The following CYP2U1 variants were observed in gnomAD, a reference collection of about 807,000 sequenced individuals.
CYP2U1 encodes the protein cytochrome P450 2U1.
Under a neutral mutation model 42.8 loss-of-function variants are expected in CYP2U1, and 28 were observed. The observed-to-expected ratio is 0.65, with a 90% CI of 0.48 to 0.90. The LOEUF (loss-of-function observed/expected upper bound fraction) is 0.90. CYP2U1 is among the 40% of genes least tolerant of loss of function. The pLI is 0.00. For missense variants in CYP2U1, 642 were observed against 693.8 expected (o/e 0.93, Z 0.84); for synonymous variants, 296 against 278.9 (o/e 1.06, Z -0.61).
chr4:107,946,598 T>C lies in CYP2U1; in HGVS notation c.1127-778T>C, dbSNP rs549889717. On this transcript the variant is annotated intron_variant, in intron 2 of 4. Transcript: ENST00000332884. ...CCTGTATTAGTTAATTATTGCTGGGTAGCAAACTACCCCCAAATTTGCTAG... is the reference window on the plus strand; with the variant it reads ...CCTGTATTAGTTAATTATTGCTGGGCAGCAAACTACCCCCAAATTTGCTAG... Among the ~76,000 whole-genome samples, 5 of 152,092 alleles carry C rather than the reference T, an allele frequency of 3.3e-5. No individual in the cohort carries two copies. The South Asian group carries it at 6.2e-4, about 19-fold the overall frequency.
At chr4:107,933,140 G>T (rs892855147) in intron 1 of CYP2U1, among the ~76,000 whole-genome samples, 1 of 152,266 alleles carries the variant, frequency 6.6e-6, no homozygotes, top group Non-Finnish European at 1.5e-5. Flanking sequence ...GATTTTAAAC[G>T]GAAAAGACAA....
chr4:107,941,858 G>T (rs1733506687), intron 1 of CYP2U1, among the ~76,000 whole-genome samples: 1 of 152,058 alleles, frequency 6.6e-6, no homozygotes, highest in African/African-American at 2.4e-5. Context: ...ACTACACCCT[G>T]GCTTGTTTTA....
In CYP2U1 at chr4:107,931,709, T is replaced by C; in HGVS notation, c.66T>C (p.Arg22=). The change falls in exon 1 of 5, where the codon CGT becomes CGC. Residue 22 remains arginine, a synonymous_variant. Transcript: ENST00000332884. ...CGCCCTGGCCCGCGCGCCTCCTGCG[T>C]GCGCCTCTGGGGCTGCTGCGGCTGG... ...EDPPWPARLL[R]APLGLLRLDP... is the part of the protein sequence containing the mutation. The C allele has an allele frequency of 2.2e-6, 3 of 1,354,770 alleles. No homozygotes were observed. The highest frequency in any genetic ancestry group is 2.8e-6 in the Non-Finnish European group (3 of 1,062,604). 83.9% of individuals were successfully genotyped at this position (1,354,770 alleles called of 1,614,324 possible). A position where few individuals can be genotyped will look rare whatever the true frequency, so the allele number is the denominator to read the frequency against.
At chr4:107,932,298 C>A in intron 1 of CYP2U1, 165 bp downstream of exon 1, 1 of 800,364 alleles carries the variant, frequency 1.2e-6, no homozygotes, top group Non-Finnish European at 1.5e-6. Flanking sequence ...CTTCTCCTTT[C>A]TGATGCCTTT....
At position 107,953,151 on chromosome 4, in the gene CYP2U1, A is replaced by C. The variant is rs1464525307; in HGVS notation, c.*2728A>C. On this transcript the variant is annotated 3_prime_UTR_variant, in exon 5 of 5. Transcript: ENST00000332884. ...TCCTTAAATTATACATGCATTTTCAATATTCCTAACCAAATAGTTTATAGC... is the reference window on the plus strand; with the variant it reads ...TCCTTAAATTATACATGCATTTTCACTATTCCTAACCAAATAGTTTATAGC... 1 of 152,224 alleles carries C rather than the reference A, an allele frequency of 6.6e-6. No individual in the cohort carries two copies. Among genetic ancestry groups the C allele is most frequent in the Non-Finnish European group, 1.5e-5 (1 of 68,046 alleles). 9.4% of individuals were successfully genotyped at this position (152,224 alleles called of 1,614,324 possible). A position where few individuals can be genotyped will look rare whatever the true frequency, so the allele number is the denominator to read the frequency against.
intron 1 of CYP2U1, among the ~76,000 whole-genome samples, chr4:107,939,750 G>A (rs1493131): frequency 0.17 from 25,879 of 152,038 alleles, 2,411 homozygotes; most frequent in Non-Finnish European, 0.21. Flanking sequence ...GGATAGTTTG[G>A]AATGCACATA....
intron 1 of CYP2U1, among the ~76,000 whole-genome samples, chr4:107,941,976 C>T (rs1420412261): frequency 6.6e-6 from 1 of 152,172 alleles, no homozygotes; most frequent in Non-Finnish European, 1.5e-5. Context: ...AAACAAAATC[C>T]AGCAATTTTT....
At chr4:107,933,041 A>C (rs559233637) in intron 1 of CYP2U1, among the ~76,000 whole-genome samples, 67 of 152,366 alleles carry the variant, frequency 4.4e-4, no homozygotes, top group Non-Finnish European at 8.7e-4. Context: ...TCAAGTATCT[A>C]TTAAATGAAT....
chr4:107,931,623 G>C lies in CYP2U1; in HGVS notation c.-21G>C, dbSNP rs1732973169. The C allele has an allele frequency of 2.4e-6, 3 of 1,252,248 alleles. No homozygotes were observed. Among genetic ancestry groups the C allele is most frequent in the Non-Finnish European group, 3.0e-6 (3 of 1,002,068 alleles). 77.6% of individuals were successfully genotyped at this position (1,252,248 alleles called of 1,614,324 possible). On this transcript the variant is annotated 5_prime_UTR_variant, in exon 1 of 5. Coordinates refer to ENST00000332884, the MANE Select transcript of CYP2U1 (RefSeq NM_183075.3). ...CTCCTCCAGGCAGCAAGGGGAACCC[G>C]AGGCCGCCGGCGCCCGGACCATGTC... is the stretch of plus-strand genomic sequence containing the variant.
chr4:107,940,330 C>T (rs1733444471), intron 1 of CYP2U1: 1 of 152,016 alleles, frequency 6.6e-6, no homozygotes, highest in Non-Finnish European at 1.5e-5. Context: ...AAGCAATCCT[C>T]CCACCTTGGC....
chr4:107,944,954 T>A lies in CYP2U1; in HGVS notation c.491-16T>A. 6.3e-7 allele frequency: 1 copy of A among 1,584,328 alleles called. No homozygotes were observed. The highest frequency in any genetic ancestry group is 8.6e-7 in the Non-Finnish European group (1 of 1,167,164). On this transcript the variant is annotated splice_polypyrimidine_tract_variant and intron_variant, in intron 1 of 4. Coordinates refer to ENST00000332884, the MANE Select transcript of CYP2U1 (RefSeq NM_183075.3). ...AATACTGTTTCTCATCTTCCTTTCT[T>A]GGTGTCCCTTTGCAGGGGTTGTGTT... is the stretch of plus-strand genomic sequence containing the variant.
chr4:107,946,102 C>T (rs1733689635), intron 2 of CYP2U1, among the ~76,000 whole-genome samples: 1 of 152,198 alleles, frequency 6.6e-6, no homozygotes, highest in Non-Finnish European at 1.5e-5. Flanking sequence ...CAAATTACCA[C>T]AAACCGAGTG....
intron 3 of CYP2U1, 24 bp downstream of exon 3, chr4:107,947,561 G>T (rs1232638186): frequency 6.2e-6 from 10 of 1,612,874 alleles, no homozygotes; most frequent in Middle Eastern, 1.7e-4. Context: ...CTTCCTCTTT[G>T]AATGCCCTTG....
chr4:107,942,870 G>A (rs1050826679), intron 1 of CYP2U1, among the ~76,000 whole-genome samples: 9 of 152,302 alleles, frequency 5.9e-5, no homozygotes, highest in African/African-American at 2.2e-4. Flanking sequence ...ATGTGTTTAT[G>A]AACCCATGGT....
At chr4:107,947,204 G>A (rs899871915) in intron 2 of CYP2U1, among the ~76,000 whole-genome samples, 172 bp from the exon 3 acceptor site, 1 of 152,126 alleles carries the variant, frequency 6.6e-6, no homozygotes. Context: ...CCTGGGGCTA[G>A]CTGTCTCTAC....
Position 107,945,379 on chromosome 4 carries a change from A to T in CYP2U1, c.900A>T (p.Lys300Asn). Residue 300 changes from lysine (K) to asparagine (N), a missense_variant, in exon 2 of 5, where the codon AAA becomes AAT. By Grantham distance (94) the Lys-to-Asn change is moderately conservative. Transcript: ENST00000332884. ...AGGATATAACCAGTTTCCTTAAAAA[A>T]ATCATCAAAGACCATCAAGAGTCTC... ...IEKDITSFLK[K>N]IIKDHQESLD... 6.2e-7 allele frequency: 1 copy of T among 1,614,148 alleles called. No homozygotes were observed. The highest frequency in any genetic ancestry group is 8.5e-7 in the Non-Finnish European group (1 of 1,180,020).
Position 107,945,253 on chromosome 4 carries a change from C to G in CYP2U1, c.774C>G (p.Gly258=). The G allele has an allele frequency of 4.3e-6, 7 of 1,614,050 alleles. No individual in the cohort carries two copies. The highest frequency in any genetic ancestry group is 5.1e-6 in the Non-Finnish European group (6 of 1,180,020). Residue 258 remains glycine (G), a synonymous_variant, in exon 2 of 5, where the codon GGC becomes GGG. Transcript: ENST00000332884. Reference sequence around the variant, plus strand: ...AAATGCTTGGTTTTATGTCACGAGGCCTAGAAATCTGTCTGAACAGTCAAG... The same window carrying G: ...AAATGCTTGGTTTTATGTCACGAGGGCTAGAAATCTGTCTGAACAGTCAAG... ...FKKMLGFMSR[G]LEICLNSQVL... is the part of the protein sequence containing the mutation.
intron 3 of CYP2U1, 103 bp downstream of exon 3, chr4:107,947,640 C>G (rs1199835303): frequency 1.7e-6 from 2 of 1,151,424 alleles, no homozygotes; most frequent in Admixed American, 4.8e-5. Context: ...CTAGCTTGAT[C>G]CTTCTGAAGA....
rs1247426275 is a variant in CYP2U1, at chr4:107,950,496, A to C, written c.*73A>C. 25 of 1,443,916 alleles carry C rather than the reference A, an allele frequency of 1.7e-5. No individual in the cohort carries two copies. Among genetic ancestry groups the C allele is most frequent in the Non-Finnish European group, 2.1e-5 (23 of 1,087,330 alleles). The allele number at this position is 1,443,916 out of a possible 1,614,324, so 89.4% of individuals were successfully genotyped here. On this transcript the variant is annotated 3_prime_UTR_variant, in exon 5 of 5. Transcript: ENST00000332884. ...CTTCTAAGCAGATTCTTCCTACTGC[A>C]AAGGACAGTGAATCCAGCAACTCAG... is the stretch of plus-strand genomic sequence containing the variant.
Sources: gnomAD v4.1 joint callset for allele counts (sites outside exome capture counted in the v4.1 genomes callset) on GRCh38, gnomAD v4.1.1 for gene constraint, MANE v1.5 for transcripts, NCBI Gene and HGNC (gene_info 2026-07-23, HGNC 2026-07-21) for gene names.